The following ADAM22 variants were observed in gnomAD, a reference collection of about 807,000 sequenced individuals.
ADAM22 encodes ADAM metallopeptidase domain 22, also known as disintegrin and metalloproteinase domain-containing protein 22.
ADAM22 carries 65 observed loss-of-function variants against 144.6 expected under a neutral mutation model. That is an observed-to-expected ratio of 0.45 (90% CI 0.37 to 0.55). The LOEUF (loss-of-function observed/expected upper bound fraction) is 0.55, where lower values mean the gene tolerates loss of function less well. Among genes scored for constraint, ADAM22 ranks in the 20% least tolerant of loss-of-function variants. ADAM22 has a pLI of 0.00. For synonymous variants in ADAM22, 391 were observed against 412.6 expected, an observed-to-expected ratio of 0.95 and a Z score of 0.63; for missense variants, 974 against 1,184.9, an observed-to-expected ratio of 0.82 and a Z score of 2.61.
intron 4 of ADAM22, among the ~76,000 whole-genome samples, chr7:88,093,463 G>T (rs10952910): frequency 2.0e-5 from 3 of 151,764 alleles, no homozygotes; most frequent in Admixed American, 1.3e-4. Context: ...AGTGTTTACA[G>T]CCTTTTTGAA....
intron 2 of ADAM22, among the ~76,000 whole-genome samples, chr7:87,970,231 T>C (rs1450249719): frequency 6.6e-6 from 1 of 150,620 alleles, no homozygotes; most frequent in Non-Finnish European, 1.5e-5. Flanking sequence ...AGAGGGATCA[T>C]ATATACAAGC....
chr7:88,007,113 CAG>C (rs1346344828), intron 3 of ADAM22, among the ~76,000 whole-genome samples: 1 of 152,138 alleles, frequency 6.6e-6, no homozygotes, highest in African/African-American at 2.4e-5. Context: ...CAATAACAGA[CAG>C]AGAGTGAAAT....
chr7:88,060,242 T>A (rs535634836), intron 3 of ADAM22, among the ~76,000 whole-genome samples: 1 of 152,278 alleles, frequency 6.6e-6, no homozygotes, highest in South Asian at 2.1e-4. Context: ...TTGTGGCAAT[T>A]TCTTAAAATA....
At chr7:88,024,992 A>G (rs1340935296) in intron 3 of ADAM22, among the ~76,000 whole-genome samples, 1 of 152,170 alleles carries the variant, frequency 6.6e-6, no homozygotes, top group African/African-American at 2.4e-5. Flanking sequence ...TGCTATTGTG[A>G]ATAGTGCCGC....
intron 3 of ADAM22, among the ~76,000 whole-genome samples, chr7:88,072,068 A>G (rs1415507524): frequency 6.6e-6 from 1 of 152,222 alleles, no homozygotes; most frequent in Non-Finnish European, 1.5e-5. Context: ...GTAGAGGGAA[A>G]AGTGAAAGTT....
rs17150308 is a variant in ADAM22 at position 88,166,979 on chromosome 7, T to C, written c.2191+1033T>C. On this transcript the variant is annotated intron_variant, in intron 24 of 31. Transcript: ENST00000413139. ...AGTGACCCAAGGAATCCTCTGGCATTTGCATCTGTGCATCCCACAGAGGAC... is the reference window on the plus strand; with the variant it reads ...AGTGACCCAAGGAATCCTCTGGCATCTGCATCTGTGCATCCCACAGAGGAC... 8.3e-3 allele frequency among the ~76,000 whole-genome samples: 1,264 copies of C among 152,254 alleles called. 21 individuals are homozygous for C. The highest frequency in any genetic ancestry group is 0.029 in the African/African-American group (1,217 of 41,556).
chr7:88,153,182 G>T (rs375102531), intron 20 of ADAM22, 39 bp from the exon 21 acceptor site: 43 of 1,463,002 alleles, frequency 2.9e-5, no homozygotes, highest in Non-Finnish European at 4.0e-5. Flanking sequence ...CAGCCAAATC[G>T]TACTTCCCTC....
intron 4 of ADAM22, among the ~76,000 whole-genome samples, chr7:88,097,274 C>T (rs1394949228): frequency 6.6e-6 from 1 of 151,380 alleles, no homozygotes; most frequent in African/African-American, 2.4e-5. Context: ...GCCTCAGCCT[C>T]CCCAGTAGCT....
At chr7:88,183,192 G>C (rs930507546) in intron 29 of ADAM22, among the ~76,000 whole-genome samples, 9 of 152,158 alleles carry the variant, frequency 5.9e-5, no homozygotes, top group Non-Finnish European at 1.3e-4. Context: ...TAATGTGTTA[G>C]AGTTTATCTT....
chr7:88,134,091 A>G (rs1392594817), intron 12 of ADAM22, among the ~76,000 whole-genome samples: 1 of 152,212 alleles, frequency 6.6e-6, no homozygotes, highest in Non-Finnish European at 1.5e-5. Flanking sequence ...AAAACCCAAA[A>G]GCTGTGATTA....
At chr7:88,166,936 T>G (rs1269277004) in intron 24 of ADAM22, among the ~76,000 whole-genome samples, 4 of 152,168 alleles carry the variant, frequency 2.6e-5, no homozygotes, top group Non-Finnish European at 5.9e-5. Context: ...ATGCTAGGTC[T>G]TGAAGTAAGA....
chr7:88,181,554 C>T lies in ADAM22; in HGVS notation c.2545C>T (p.His849Tyr). The change falls in exon 28 of 32, where the codon CAT (histidine) becomes TAT (tyrosine). Residue 849 changes from histidine (H) to tyrosine (Y), a missense_variant. By Grantham distance (83) the His-to-Tyr change is moderately conservative. Coordinates refer to ENST00000413139, the MANE Select transcript of ADAM22 (RefSeq NM_001324418.2). Reference protein sequence around the residue: ...SWSERIPDTKHISDICENGRP... With the variant: ...SWSERIPDTKYISDICENGRP... ...GAGTGAAAGGATTCCAGACACAAAA[C>T]ATATTTCAGACATCTGTGAAAATGG... The T allele has an allele frequency of 6.2e-7, 1 of 1,613,820 alleles. No individual in the cohort carries two copies. Among genetic ancestry groups the T allele is most frequent in the Non-Finnish European group, 8.5e-7 (1 of 1,179,814 alleles).
chr7:88,157,671 C>T (rs1327697777), intron 22 of ADAM22, among the ~76,000 whole-genome samples: 3 of 151,992 alleles, frequency 2.0e-5, no homozygotes, highest in Non-Finnish European at 2.9e-5. Flanking sequence ...TACAGCGCTA[C>T]GAAACCGGCA....
At chr7:87,953,025 A>G (rs1845660869) in intron 2 of ADAM22, among the ~76,000 whole-genome samples, 1 of 150,894 alleles carries the variant, frequency 6.6e-6, no homozygotes, top group South Asian at 2.1e-4. Flanking sequence ...TATTTGATTC[A>G]TCTCTTTTTC....
At chr7:87,992,576 G>C (rs1790159263) in intron 3 of ADAM22, among the ~76,000 whole-genome samples, 1 of 152,128 alleles carries the variant, frequency 6.6e-6, no homozygotes, top group African/African-American at 2.4e-5. Context: ...TAGTGGTTTT[G>C]ATTATCAAAA....
intron 3 of ADAM22, among the ~76,000 whole-genome samples, chr7:88,039,744 C>T (rs1802637096): frequency 6.6e-6 from 1 of 151,452 alleles, no homozygotes; most frequent in African/African-American, 2.4e-5. Flanking sequence ...TATCTTGTTT[C>T]TATCTGTGTT....
At chr7:87,945,123 A>C (rs1843379583) in intron 2 of ADAM22, among the ~76,000 whole-genome samples, 1 of 152,156 alleles carries the variant, frequency 6.6e-6, no homozygotes, top group Non-Finnish European at 1.5e-5. Context: ...TCAGGAGATG[A>C]GACCATTAAA....
At chr7:88,071,286 G>A (rs182506115) in intron 3 of ADAM22, among the ~76,000 whole-genome samples, 120 of 151,962 alleles carry the variant, frequency 7.9e-4, no homozygotes, top group Non-Finnish European at 1.6e-3. Context: ...AGAGAAAGAT[G>A]AATAGATATG....
At chr7:88,113,720 A>G (rs1313294438) in intron 5 of ADAM22, among the ~76,000 whole-genome samples, 6 of 116,304 alleles carry the variant, frequency 5.2e-5, no homozygotes, top group Admixed American at 1.7e-4. Context: ...ATATATATAT[A>G]TATATATATA....
Sources: gnomAD v4.1 joint callset for allele counts (sites outside exome capture counted in the v4.1 genomes callset) on GRCh38, gnomAD v4.1.1 for gene constraint, MANE v1.5 for transcripts, NCBI Gene and HGNC (gene_info 2026-07-23, HGNC 2026-07-21) for gene names.